The following TNRC6B variants were observed in gnomAD, a reference collection of about 807,000 sequenced individuals.
TNRC6B encodes trinucleotide repeat containing adaptor 6B, also known as trinucleotide repeat-containing gene 6B protein.
Under a neutral mutation model 203.6 loss-of-function variants are expected in TNRC6B, and 52 were observed. The ratio of observed to expected loss-of-function variants is 0.26; its 90% CI spans 0.20 to 0.32. The LOEUF is 0.32. Among genes scored for constraint, TNRC6B ranks in the 10% least tolerant of loss-of-function variants. The pLI is 1.00. For missense variants in TNRC6B, 1,923 were observed against 2,286.2 expected, an observed-to-expected ratio of 0.84 and a Z score of 3.24; for synonymous variants, 838 against 845.7, an observed-to-expected ratio of 0.99 and a Z score of 0.16.
At chr22:40,254,152 A>G (rs1311792783) in intron 3 of TNRC6B, among the ~76,000 whole-genome samples, 2 of 152,200 alleles carry the variant, frequency 1.3e-5, no homozygotes, top group Non-Finnish European at 2.9e-5. Flanking sequence ...CTGGCTTGCT[A>G]CCAGGTATCA....
chr22:40,105,760 A>G (rs1184600833), intron 1 of TNRC6B, among the ~76,000 whole-genome samples: 2 of 152,176 alleles, frequency 1.3e-5, no homozygotes, highest in African/African-American at 4.8e-5. Flanking sequence ...TTTGGGGTAC[A>G]TGTGCATACA....
chr22:40,258,108 C>CAATGTTTT (rs1226727015), intron 3 of TNRC6B, among the ~76,000 whole-genome samples: 1 of 34,110 alleles, frequency 2.9e-5, no homozygotes, highest in Non-Finnish European at 6.7e-5. Flanking sequence ...TTTTACCCCA[C>CAATGTTTT]AATGTTTTTA....
rs1381207786 is a variant in TNRC6B, at chr22:40,273,630, T to C, written c.3141+30T>C. 2.0e-6 allele frequency: 3 copies of C among 1,532,838 alleles called. No homozygotes were observed. In the East Asian group the frequency reaches 7.3e-5, roughly 37 times the overall value. The allele number at this position is 1,532,838 out of a possible 1,614,324, so 95.0% of individuals were successfully genotyped here. ...CCTGCTTAGAAATGTTCGCACTTGC[T>C]CATTCGCTCTGAGAAGGCAGAACTG... On this transcript the variant is annotated intron_variant, in intron 7 of 22. Coordinates refer to ENST00000454349, the MANE Select transcript of TNRC6B (RefSeq NM_001162501.2).
At chr22:40,083,772 T>C (rs2068079381) in intron 1 of TNRC6B, among the ~76,000 whole-genome samples, 1 of 151,852 alleles carries the variant, frequency 6.6e-6, no homozygotes, top group South Asian at 2.1e-4. Flanking sequence ...GAGGGGAAAA[T>C]TGATGCAGAT....
intron 1 of TNRC6B, among the ~76,000 whole-genome samples, chr22:40,059,815 GTTTTT>G: frequency 7.9e-6 from 1 of 126,162 alleles, no homozygotes; most frequent in South Asian, 2.6e-4. Flanking sequence ...ATAGAGTTTG[GTTTTT>G]TTTTTTTTTT....
Position 40,335,673 on chromosome 22 carries a change from T to A in TNRC6B, c.*12432T>A, listed in dbSNP as rs560080688. 23 of 151,892 alleles carry A rather than the reference T, an allele frequency of 1.5e-4. No homozygotes were observed. Among genetic ancestry groups the A allele is most frequent in the South Asian group, 4.1e-4 (2 of 4,822 alleles). The allele number at this position is 151,892 out of a possible 1,614,324, so 9.4% of individuals were successfully genotyped here. A position where few individuals can be genotyped will look rare whatever the true frequency, so the allele number is the denominator to read the frequency against. On this transcript the variant is annotated 3_prime_UTR_variant, in exon 23 of 23. Coordinates refer to ENST00000454349, the MANE Select transcript of TNRC6B (RefSeq NM_001162501.2). ...AGCTTATTTTTGTTTTTGTTTAGTT[T>A]TTTTATTTTATTTTATTTTGGAAAG...
At chr22:40,141,961 C>T (rs1881573878) in intron 3 of TNRC6B, among the ~76,000 whole-genome samples, 1 of 150,974 alleles carries the variant, frequency 6.6e-6, no homozygotes, top group African/African-American at 2.4e-5. Flanking sequence ...TTTTTAGTAC[C>T]GTGTTAGCCA....
rs772394976 is a variant in TNRC6B at position 40,323,124 on chromosome 22, C to T, written c.5385C>T (p.Pro1795=). ...TTGCTGGCGCTTCATTGTGGGGGCC[C>T]CCAAACTATTCTTCTAGCTTATGGG... ...ADLAGASLWG[P]PNYSSSLWGV... Residue 1795 remains proline (P), a synonymous_variant, in exon 23 of 23, where the codon CCC becomes CCT. Coordinates refer to ENST00000454349, the MANE Select transcript of TNRC6B (RefSeq NM_001162501.2). The T allele has an allele frequency of 6.2e-7, 1 of 1,613,276 alleles. No homozygotes were observed. The highest frequency in any genetic ancestry group is 8.5e-7 in the Non-Finnish European group (1 of 1,179,562).
At chr22:40,272,997 C>T (rs1199665855) in intron 6 of TNRC6B, among the ~76,000 whole-genome samples, 1 of 152,180 alleles carries the variant, frequency 6.6e-6, no homozygotes, top group African/African-American at 2.4e-5. Flanking sequence ...TATCATACCT[C>T]GTATTTATAG....
chr22:40,106,943 A>T, intron 1 of TNRC6B: 1 of 1,120,842 alleles, frequency 8.9e-7, no homozygotes, highest in Non-Finnish European at 1.3e-6. Context: ...CCTTTGAAGC[A>T]TCTTTTGGGC....
intron 1 of TNRC6B, chr22:40,106,656 C>A: frequency 1.3e-6 from 1 of 749,710 alleles, no homozygotes; most frequent in Non-Finnish European, 2.4e-6. Context: ...ATATATGACT[C>A]TACAATCCTC....
intron 1 of TNRC6B, among the ~76,000 whole-genome samples, chr22:40,216,801 T>G (rs1412075469): frequency 6.6e-6 from 1 of 152,166 alleles, no homozygotes; most frequent in Non-Finnish European, 1.5e-5. Flanking sequence ...TTCTCTAGTA[T>G]TCATCGGGAA....
intron 12 of TNRC6B, among the ~76,000 whole-genome samples, chr22:40,297,219 A>G (rs1021359265): frequency 6.6e-6 from 1 of 152,232 alleles, no homozygotes; most frequent in Non-Finnish European, 1.5e-5. Context: ...TATTGGCTAA[A>G]CATTAAAACA....
rs546140500 is a variant in TNRC6B at position 40,078,648 on chromosome 22, G to A, written c.-121+33650G>A. Among the ~76,000 whole-genome samples the A allele has an allele frequency of 4.6e-3, 701 of 151,724 alleles. 10 individuals are homozygous for A. The highest frequency in any genetic ancestry group is 7.0e-3 in the Non-Finnish European group (473 of 67,930). The stretch of plus-strand genomic sequence containing the variant: ...CACTCTGTCATCCAGGCTGAAATAA[G>A]GTGGCACGATCTCAGCTCACTGCAA... On this transcript the variant is annotated intron_variant, in intron 1 of 23. Coordinates refer to the TNRC6B transcript ENST00000301923.
intron 1 of TNRC6B, among the ~76,000 whole-genome samples, chr22:40,214,415 A>G (rs780019205): frequency 1.3e-5 from 2 of 152,192 alleles, no homozygotes; most frequent in Non-Finnish European, 2.9e-5. Flanking sequence ...AATCTGAATA[A>G]GGTTGGTAGA....
At chr22:40,308,793 G>A (rs1176063047) in intron 16 of TNRC6B, 144 bp downstream of exon 16, 3 of 996,688 alleles carry the variant, frequency 3.0e-6, no homozygotes, top group Non-Finnish European at 4.3e-6. Context: ...TCAGAGTCAT[G>A]TGTATGTTGA....
rs57924620 is a variant in TNRC6B at position 40,133,970 on chromosome 22, CAAAAAAAAA to C, written c.45+8127_45+8135del. 1.5e-4 allele frequency among the ~76,000 whole-genome samples: 7 copies of C among 45,972 alleles called. No homozygotes were observed. In the South Asian group the frequency reaches 3.3e-3, roughly 22 times the overall value. The allele number at this position is 45,972 out of a possible 152,430, so 30.2% of individuals were successfully genotyped here. A position where few individuals can be genotyped will look rare whatever the true frequency, so the allele number is the denominator to read the frequency against. On this transcript the variant is annotated intron_variant, in intron 3 of 23. Transcript: ENST00000301923. ...GGGCAACAAGAGCAAAGCTCCGTCT[CAAAAAAAAA>C]AAAAAAAAAAAAAAAAAACAGGTAA...
chr22:40,310,574 G>T (rs1037423015), intron 16 of TNRC6B, among the ~76,000 whole-genome samples: 6 of 152,154 alleles, frequency 3.9e-5, no homozygotes, highest in Non-Finnish European at 4.4e-5. Context: ...GAACATTCAA[G>T]CATGAGAACA....
intron 1 of TNRC6B, among the ~76,000 whole-genome samples, chr22:40,184,854 A>T (rs141373422): frequency 5.3e-4 from 80 of 152,216 alleles, no homozygotes; most frequent in African/African-American, 1.9e-3. Flanking sequence ...CATTTAGATG[A>T]GGCACAGGTG....
Sources: gnomAD v4.1 joint callset for allele counts (sites outside exome capture counted in the v4.1 genomes callset) on GRCh38, gnomAD v4.1.1 for gene constraint, MANE v1.5 for transcripts, NCBI Gene and HGNC (gene_info 2026-07-23, HGNC 2026-07-21) for gene names.